Variants in PCYT1B observed in about 807,000 individuals in gnomAD.
PCYT1B encodes the protein choline-phosphate cytidylyltransferase B.
PCYT1B carries 10 observed loss-of-function variants against 26.4 expected under a neutral mutation model. The observed-to-expected ratio is 0.38, with a 90% CI of 0.23 to 0.64. PCYT1B has a LOEUF of 0.64. Ranked by LOEUF, PCYT1B falls within the 30% of genes least tolerant of loss-of-function variation. PCYT1B has a pLI of 0.56. For missense variants in PCYT1B, 161 were observed against 292.7 expected, an observed-to-expected ratio of 0.55 and a Z score of 3.28; for synonymous variants, 131 against 108.4, an observed-to-expected ratio of 1.21 and a Z score of -1.29.
chrX:24,588,686 C>T (rs756614896), intron 4 of PCYT1B, among the ~76,000 whole-genome samples: 21 of 111,367 alleles, frequency 1.9e-4, no homozygotes, highest in Non-Finnish European at 3.8e-4. Context: ...TCTTTGGTGT[C>T]GGGAGTTGTC....
chrX:24,647,147 C>A lies in PCYT1B; in HGVS notation c.-42G>T. On this transcript the variant is annotated 5_prime_UTR_variant, in exon 1 of 8. Transcript: ENST00000379144. ...CTCTAGCTCTACACCCTCAGAGAGT[C>A]TCCTCCCAGGCAGAGAATGTTTTCT... 1 of 1,196,483 alleles carries A rather than the reference C, an allele frequency of 8.4e-7. No individual in the cohort carries two copies. Among genetic ancestry groups the A allele is most frequent in the South Asian group, 1.9e-5 (1 of 53,628 alleles).
In PCYT1B at chrX:24,579,346, T is replaced by C. The variant is rs921081393; in HGVS notation, c.678A>G (p.Thr226=). 1 of 1,210,815 alleles carries C rather than the reference T, an allele frequency of 8.3e-7. No homozygotes were observed. Among genetic ancestry groups the C allele is most frequent in the Non-Finnish European group, 1.1e-6 (1 of 894,733 alleles). The part of the protein sequence containing the change: ...YARRNLQRGY[T]AKELNVSFIN... ...TAAAGCTGACATTCAGTTCCTTGGC[T>C]GTATACCCTCTCTGGAGGTTACGTC... Residue 226 remains threonine (T), a synonymous_variant, in exon 6 of 8, where the codon ACA becomes ACG. Coordinates refer to ENST00000379144, the MANE Select transcript of PCYT1B (RefSeq NM_004845.5).
intron 3 of PCYT1B, among the ~76,000 whole-genome samples, chrX:24,598,484 TACACAC>T (rs34181498): frequency 9.9e-6 from 1 of 101,012 alleles, no homozygotes; most frequent in Non-Finnish European, 2.0e-5. Flanking sequence ...GATATATATA[TACACAC>T]ACACACACAC....
At chrX:24,641,991 T>C (rs139168453) in intron 1 of PCYT1B, among the ~76,000 whole-genome samples, 15 of 112,748 alleles carry the variant, frequency 1.3e-4, no homozygotes, top group South Asian at 3.7e-4. Context: ...TTTTCTTAAC[T>C]TGGGGATTGG....
At chrX:24,664,873 G>A (rs1057410503) in intron 1 of PCYT1B, among the ~76,000 whole-genome samples, 4 of 111,576 alleles carry the variant, frequency 3.6e-5, no homozygotes, top group Non-Finnish European at 5.6e-5. Context: ...CAGGACAATC[G>A]CTTGAACCTG....
intron 3 of PCYT1B, among the ~76,000 whole-genome samples, chrX:24,601,264 T>A (rs1924952134): frequency 8.9e-6 from 1 of 111,829 alleles, no homozygotes; most frequent in Non-Finnish European, 1.9e-5. Flanking sequence ...AGGCCGAGGT[T>A]GGTGGATCAC....
In PCYT1B at chrX:24,583,131, G is replaced by A. The variant is rs61761921; in HGVS notation, c.566-3673C>T. On this transcript the variant is annotated intron_variant, in intron 5 of 7. Transcript: ENST00000379144. ...CCTCAGTGACTTGCTTGTACCAAAT[G>A]AACGTGGCAAAAGTAACTCTGTGTG... is the stretch of plus-strand genomic sequence containing the variant. Among the ~76,000 whole-genome samples, 754 of 112,329 alleles carry A rather than the reference G, an allele frequency of 6.7e-3. 8 individuals are homozygous for A. Among genetic ancestry groups the A allele is most frequent in the African/African-American group, 0.023 (727 of 30,937 alleles).
chrX:24,631,339 C>T, intron 1 of PCYT1B, among the ~76,000 whole-genome samples: 1 of 111,544 alleles, frequency 9.0e-6, no homozygotes, highest in East Asian at 2.8e-4. Flanking sequence ...AACGTGCACC[C>T]TGAAAATACA....
At chrX:24,659,561 T>C (rs1926988548) in intron 1 of PCYT1B, among the ~76,000 whole-genome samples, 1 of 111,987 alleles carries the variant, frequency 8.9e-6, no homozygotes, top group African/African-American at 3.2e-5. Context: ...AGGGGTGTCT[T>C]AGTCTGTTTT....
intron 4 of PCYT1B, among the ~76,000 whole-genome samples, chrX:24,589,785 T>C (rs192020329): frequency 6.3e-5 from 7 of 111,510 alleles, no homozygotes; most frequent in Admixed American, 4.8e-4. Flanking sequence ...TAGGAAGAGA[T>C]AGAGGCAGGA....
chrX:24,586,149 T>C (rs1001510771), intron 5 of PCYT1B, among the ~76,000 whole-genome samples: 5 of 112,608 alleles, frequency 4.4e-5, no homozygotes, highest in Admixed American at 1.9e-4. Flanking sequence ...GTCTCTGCTC[T>C]CTCTCAAGGG....
At chrX:24,654,767 A>G (rs1602210949) in intron 1 of PCYT1B, among the ~76,000 whole-genome samples, 1 of 106,744 alleles carries the variant, frequency 9.4e-6, no homozygotes, top group African/African-American at 3.4e-5. Flanking sequence ...AAAAAAAAAA[A>G]AAAAAGAAAT....
At chrX:24,614,537 TACAA>T (rs201656265) in intron 2 of PCYT1B, among the ~76,000 whole-genome samples, 1,914 of 111,329 alleles carry the variant, frequency 0.017, 42 homozygotes, top group African/African-American at 0.06. Context: ...CCACTAAAAA[TACAA>T]AAGAAAAACA....
At chrX:24,565,679 CTG>C (rs753065053) in intron 7 of PCYT1B, among the ~76,000 whole-genome samples, 9 of 109,284 alleles carry the variant, frequency 8.2e-5, no homozygotes, top group Non-Finnish European at 1.3e-4. Context: ...CTGATCAGAT[CTG>C]TGTTTTAGAA....
chrX:24,568,899 A>C (rs1923724561), intron 7 of PCYT1B, among the ~76,000 whole-genome samples: 1 of 111,442 alleles, frequency 9.0e-6, no homozygotes, highest in African/African-American at 3.3e-5. Flanking sequence ...CAGGAGTTTG[A>C]GACCAGCCTG....
At chrX:24,598,144 G>A (rs904028192) in intron 3 of PCYT1B, among the ~76,000 whole-genome samples, 2 of 111,133 alleles carry the variant, frequency 1.8e-5, no homozygotes, top group Non-Finnish European at 3.8e-5. Context: ...TAGACACATG[G>A]GTAAAACATT....
chrX:24,629,182 A>G (rs758167993), intron 1 of PCYT1B, among the ~76,000 whole-genome samples: 3 of 111,996 alleles, frequency 2.7e-5, no homozygotes, highest in Non-Finnish European at 3.8e-5. Flanking sequence ...TCCTTTGCCT[A>G]TTTTTCTATT....
At position 24,611,783 on chromosome X, in the gene PCYT1B, C is replaced by A. The variant is rs766604347; in HGVS notation, c.218-3922G>T. The stretch of plus-strand genomic sequence containing the variant: ...GGTCAGAAGTTTGAGACCAGCCTGG[C>A]CAACATGCTGAAACTCCGTATCTAC... On this transcript the variant is annotated intron_variant, in intron 2 of 7. Transcript: ENST00000379144. Among the ~76,000 whole-genome samples, 8 of 110,417 alleles carry A rather than the reference C, an allele frequency of 7.2e-5. No individual in the cohort carries two copies. In the South Asian group the frequency reaches 2.3e-3, roughly 32 times the overall value.
chrX:24,639,256 C>T (rs779985387), intron 1 of PCYT1B, among the ~76,000 whole-genome samples: 1 of 112,363 alleles, frequency 8.9e-6, no homozygotes, highest in Admixed American at 9.4e-5. Flanking sequence ...AATCCATTGT[C>T]GGGGACAGAA....
Sources: allele counts gnomAD v4.1 joint callset (sites outside exome capture counted in the v4.1 genomes callset), GRCh38; gene constraint gnomAD v4.1.1; transcripts MANE v1.5; gene names NCBI Gene and HGNC (gene_info 2026-07-23, HGNC 2026-07-21).